Variants in AGBL1 observed in about 807,000 individuals in gnomAD.
AGBL1 encodes the protein AGBL carboxypeptidase 1.
In AGBL1, 130 loss-of-function variants were observed where a neutral mutation model predicts 118.9. The ratio of observed to expected loss-of-function variants is 1.09; its 90% CI spans 0.95 to 1.26. The LOEUF (loss-of-function observed/expected upper bound fraction) is 1.26, where lower values mean the gene tolerates loss of function less well. Ranked by LOEUF, AGBL1 falls within the 50% of genes most tolerant of loss-of-function variation. The pLI, the probability that AGBL1 is intolerant of heterozygous loss-of-function variation, is 0.00. For missense variants in AGBL1, 1,584 were observed against 1,298.1 expected (o/e 1.22, Z -3.38); for synonymous variants, 555 against 478.9 (o/e 1.16, Z -2.08).
rs185529801 is a variant in AGBL1, at chr15:86,281,257, A to T, written c.2220+1474A>T. ...AAATTAGCCAGGCCTGGTGGCATGC[A>T]CCCATAGACCCAGCTACTTGGGAGG... On this transcript the variant is annotated intron_variant, in intron 16 of 22. Transcript: ENST00000614907. 1.8e-3 allele frequency among the ~76,000 whole-genome samples: 275 copies of T among 152,182 alleles called. 3 individuals are homozygous for T. Among genetic ancestry groups the T allele is most frequent in the South Asian group, 0.014 (67 of 4,820 alleles).
At chr15:86,455,929 C>T (rs758942245) in intron 18 of AGBL1, among the ~76,000 whole-genome samples, 1 of 152,136 alleles carries the variant, frequency 6.6e-6, no homozygotes, top group Non-Finnish European at 1.5e-5. Context: ...TACCTACCTA[C>T]CCATCCATCC....
At chr15:86,375,668 C>A (rs529087571) in intron 17 of AGBL1, among the ~76,000 whole-genome samples, 6 of 152,164 alleles carry the variant, frequency 3.9e-5, no homozygotes, top group African/African-American at 1.4e-4. Context: ...GCTGTGCTGA[C>A]CACATGAGCA....
intron 18 of AGBL1, among the ~76,000 whole-genome samples, chr15:86,467,491 C>T (rs138616289): frequency 3.3e-4 from 50 of 152,312 alleles, no homozygotes; most frequent in Non-Finnish European, 5.9e-4. Flanking sequence ...GGTTCTCTCT[C>T]GCTGGCATTC....
chr15:86,086,017 G>T (rs1361247323), intron 1 of AGBL1, among the ~76,000 whole-genome samples: 1 of 152,220 alleles, frequency 6.6e-6, no homozygotes, highest in Non-Finnish European at 1.5e-5. Flanking sequence ...GACCAGTGGT[G>T]CTTTGAGGTG....
chr15:86,080,219 T>C (rs1001355242), intron 1 of AGBL1, 196 bp downstream of exon 1: 9 of 397,018 alleles, frequency 2.3e-5, no homozygotes, highest in African/African-American at 1.9e-4. Flanking sequence ...CACGACGATG[T>C]TGATGATTGT....
intron 24 of AGBL1, among the ~76,000 whole-genome samples, chr15:86,993,811 T>C (rs1361397626): frequency 7.2e-5 from 11 of 152,208 alleles, no homozygotes; most frequent in Admixed American, 7.2e-4. Context: ...GTATGCTTTT[T>C]GTCATTTTAT....
In AGBL1 at chr15:86,692,310, A is replaced by G. The variant is rs184975611; in HGVS notation, c.3158+17874A>G. ...CAAAGGCGTAATTGAGGAAACTTCA[A>G]TGAAGGAACTCTTTACAAAGCAAGA... is the stretch of plus-strand genomic sequence containing the variant. On this transcript the variant is annotated intron_variant, in intron 22 of 22. Transcript: ENST00000614907. 1.8e-3 allele frequency among the ~76,000 whole-genome samples: 281 copies of G among 152,244 alleles called. 2 individuals carry two copies. The highest frequency in any genetic ancestry group is 6.2e-3 in the African/African-American group (258 of 41,566).
chr15:86,964,863 T>G (rs1272924534), intron 23 of AGBL1, among the ~76,000 whole-genome samples: 3 of 152,058 alleles, frequency 2.0e-5, no homozygotes, highest in African/African-American at 7.2e-5. Flanking sequence ...CTCCCACTTA[T>G]GAGTGACAAC....
chr15:86,230,855 C>T (rs1231246340), intron 6 of AGBL1, among the ~76,000 whole-genome samples: 4 of 152,122 alleles, frequency 2.6e-5, no homozygotes, highest in Admixed American at 6.5e-5. Flanking sequence ...CTCAGAGTCA[C>T]GTCTGCCCGG....
chr15:86,768,592 A>C (rs1016548410), intron 22 of AGBL1, among the ~76,000 whole-genome samples: 1 of 151,910 alleles, frequency 6.6e-6, no homozygotes, highest in Admixed American at 6.6e-5. Flanking sequence ...AGGCACTTCA[A>C]ATTTCAGCAA....
At chr15:86,236,169 G>A (rs1290415383) in intron 6 of AGBL1, among the ~76,000 whole-genome samples, 1 of 152,156 alleles carries the variant, frequency 6.6e-6, no homozygotes, top group Non-Finnish European at 1.5e-5. Flanking sequence ...AGATGACAGT[G>A]TAGCTGCTCT....
intron 16 of AGBL1, among the ~76,000 whole-genome samples, chr15:86,285,203 G>A (rs1450314978): frequency 1.3e-5 from 2 of 152,076 alleles, no homozygotes; most frequent in Non-Finnish European, 2.9e-5. Context: ...TTATATGACT[G>A]AAGTCAAAAT....
intron 1 of AGBL1, among the ~76,000 whole-genome samples, chr15:86,087,830 G>A (rs1010033392): frequency 1.3e-5 from 2 of 152,218 alleles, no homozygotes; most frequent in African/African-American, 2.4e-5. Context: ...AAAAGGAAGG[G>A]CATTTGGAAG....
intron 18 of AGBL1, among the ~76,000 whole-genome samples, chr15:86,518,680 G>A (rs369909464): frequency 1.9e-4 from 29 of 152,120 alleles, no homozygotes; most frequent in African/African-American, 6.5e-4. Flanking sequence ...GTAAACATAG[G>A]CAATAAGGAT....
At chr15:86,269,001 A>C (rs75726236) in intron 13 of AGBL1, among the ~76,000 whole-genome samples, 1,995 of 152,314 alleles carry the variant, frequency 0.013, 48 homozygotes, top group African/African-American at 0.043. Flanking sequence ...TTTAAGTCAA[A>C]ACTGCATTGC....
intron 18 of AGBL1, among the ~76,000 whole-genome samples, chr15:86,439,556 A>C (rs2082037388): frequency 6.6e-6 from 1 of 152,208 alleles, no homozygotes; most frequent in Non-Finnish European, 1.5e-5. Flanking sequence ...TGAATAAAGG[A>C]ATGCATAAAT....
intron 17 of AGBL1, among the ~76,000 whole-genome samples, chr15:86,336,638 G>A (rs1300169716): frequency 6.6e-6 from 1 of 152,150 alleles, no homozygotes; most frequent in East Asian, 1.9e-4. Context: ...GGATTGGCTG[G>A]ACACTTTCCA....
chr15:86,165,099 C>G (rs1355662619), intron 5 of AGBL1, among the ~76,000 whole-genome samples: 1 of 152,162 alleles, frequency 6.6e-6, no homozygotes, highest in Non-Finnish European at 1.5e-5. Flanking sequence ...GCTTAAACAC[C>G]TTGGCAACGG....
intron 18 of AGBL1, among the ~76,000 whole-genome samples, chr15:86,429,501 G>A (rs1316313562): frequency 1.3e-5 from 2 of 152,184 alleles, no homozygotes; most frequent in Non-Finnish European, 2.9e-5. Flanking sequence ...ATTATAGCTG[G>A]ACCCAGCAGA....
Sources: allele counts gnomAD v4.1 joint callset (sites outside exome capture counted in the v4.1 genomes callset), GRCh38; gene constraint gnomAD v4.1.1; transcripts MANE v1.5; gene names NCBI Gene and HGNC (gene_info 2026-07-23, HGNC 2026-07-21).